PCDH15: variants seen among roughly 807,000 people sequenced by gnomAD.
PCDH15 encodes the protein protocadherin-15.
In PCDH15, 129 loss-of-function variants were observed where a neutral mutation model predicts 178.5. The observed-to-expected ratio is 0.72, with a 90% confidence interval of 0.63 to 0.84. The LOEUF (loss-of-function observed/expected upper bound fraction) is 0.84. Among genes scored for constraint, PCDH15 ranks in the 40% least tolerant of loss-of-function variants. The probability of loss-of-function intolerance (pLI) is 0.00; values close to 1 mark genes in which losing one functional copy is unlikely to be tolerated. For missense variants in PCDH15, 2,230 were observed against 2,099.9 expected, an observed-to-expected ratio of 1.06 and a Z score of -1.21; for synonymous variants, 800 against 732.0, an observed-to-expected ratio of 1.09 and a Z score of -1.50.
intron 2 of PCDH15, among the ~76,000 whole-genome samples, chr10:55,425,002 A>G (rs1018278375): frequency 2.0e-5 from 3 of 152,052 alleles, no homozygotes; most frequent in African/African-American, 7.2e-5. Flanking sequence ...TTTAAGAAAC[A>G]GATCAAATTA....
intron 2 of PCDH15, among the ~76,000 whole-genome samples, chr10:55,597,811 T>A (rs1842965328): frequency 6.6e-6 from 1 of 152,120 alleles, no homozygotes; most frequent in African/African-American, 2.4e-5. Context: ...CAAATGTTTT[T>A]CATCCAGTTA....
intron 1 of PCDH15, among the ~76,000 whole-genome samples, chr10:54,714,319 G>A (rs925057562): frequency 5.9e-5 from 9 of 152,076 alleles, no homozygotes; most frequent in African/African-American, 2.2e-4. Flanking sequence ...GTGTAGAGAT[G>A]AGAAGAGAGA....
At chr10:53,884,311 G>A (rs768734130) in intron 26 of PCDH15, among the ~76,000 whole-genome samples, 3 of 152,144 alleles carry the variant, frequency 2.0e-5, no homozygotes, top group Non-Finnish European at 2.9e-5. Flanking sequence ...GCCCTGCTCT[G>A]TTTTACACCC....
chr10:55,394,432 G>T (rs1039227092), intron 2 of PCDH15, among the ~76,000 whole-genome samples: 1 of 151,678 alleles, frequency 6.6e-6, no homozygotes, highest in African/African-American at 2.4e-5. Flanking sequence ...AGGCTTTAAA[G>T]CAATAAGAAC....
chr10:54,311,274 T>A (rs1564932625), intron 8 of PCDH15, among the ~76,000 whole-genome samples: 1 of 151,952 alleles, frequency 6.6e-6, no homozygotes, highest in African/African-American at 2.4e-5. Flanking sequence ...GCATAGAAAA[T>A]ACGTTAATAT....
chr10:54,925,242 G>A (rs1465971511), intron 2 of PCDH15, among the ~76,000 whole-genome samples: 1 of 152,058 alleles, frequency 6.6e-6, no homozygotes, highest in Admixed American at 6.6e-5. Context: ...TTGCTGAAGA[G>A]TAGATTGTAG....
intron 2 of PCDH15, among the ~76,000 whole-genome samples, chr10:55,124,809 A>G (rs1231045470): frequency 2.6e-5 from 4 of 152,120 alleles, no homozygotes; most frequent in Admixed American, 2.6e-4. Context: ...ACCCTTGGAT[A>G]GAAAATATTT....
At chr10:55,159,369 C>CTATATA (rs1174815209) in intron 2 of PCDH15, among the ~76,000 whole-genome samples, 3 of 20,886 alleles carry the variant, frequency 1.4e-4, no homozygotes, top group African/African-American at 2.6e-4. Context: ...ATCTATCTAT[C>CTATATA]TATATATATA....
intron 1 of PCDH15, among the ~76,000 whole-genome samples, chr10:55,217,200 A>C (rs1227418928): frequency 6.6e-6 from 1 of 151,938 alleles, no homozygotes; most frequent in Non-Finnish European, 1.5e-5. Flanking sequence ...GTTTTTGGTC[A>C]ACTCGAAAGA....
intron 3 of PCDH15, among the ~76,000 whole-genome samples, chr10:54,479,692 C>A (rs530572717): frequency 1.5e-4 from 23 of 152,014 alleles, no homozygotes; most frequent in Non-Finnish European, 2.4e-4. Flanking sequence ...TATAACTTTG[C>A]AGTTCCTTCT....
chr10:55,069,377 T>C (rs1251395268), intron 2 of PCDH15, among the ~76,000 whole-genome samples: 1 of 148,386 alleles, frequency 6.7e-6, no homozygotes, highest in African/African-American at 2.5e-5. Context: ...GCTGCACCCA[T>C]TAACTCGTCA....
At chr10:54,450,655 C>T (rs1300968689) in intron 3 of PCDH15, among the ~76,000 whole-genome samples, 1 of 151,474 alleles carries the variant, frequency 6.6e-6, no homozygotes, top group African/African-American at 2.4e-5. Flanking sequence ...CAGAGAATAA[C>T]TTTACTCAGT....
chr10:54,792,435 C>T (rs764311478), intron 1 of PCDH15, among the ~76,000 whole-genome samples: 4 of 151,874 alleles, frequency 2.6e-5, no homozygotes, highest in South Asian at 2.1e-4. Context: ...ATAAGATACC[C>T]GAATACTTGG....
intron 2 of PCDH15, among the ~76,000 whole-genome samples, chr10:55,529,594 C>T (rs533748257): frequency 6.6e-6 from 1 of 151,164 alleles, no homozygotes; most frequent in Admixed American, 6.6e-5. Context: ...GCTTTTTTAT[C>T]ACTTTACTTT....
chr10:54,437,072 C>T (rs1386340348), intron 3 of PCDH15, among the ~76,000 whole-genome samples: 2 of 152,102 alleles, frequency 1.3e-5, no homozygotes, highest in South Asian at 2.1e-4. Context: ...CTAATTAGCA[C>T]GGACTCTAAA....
At chr10:54,990,748 C>T (rs1409170615) in intron 2 of PCDH15, among the ~76,000 whole-genome samples, 1 of 152,076 alleles carries the variant, frequency 6.6e-6, no homozygotes. Context: ...ATATTCAAAT[C>T]TCTCTTTATC....
chr10:55,307,234 A>C (rs2946181), intron 1 of PCDH15, among the ~76,000 whole-genome samples: 1 of 151,956 alleles, frequency 6.6e-6, no homozygotes, highest in African/African-American at 2.4e-5. Flanking sequence ...CTGGCGTGGT[A>C]GCTCACGTCT....
chr10:55,206,016 C>G (rs560676102), intron 1 of PCDH15, among the ~76,000 whole-genome samples: 1 of 152,010 alleles, frequency 6.6e-6, no homozygotes, highest in African/African-American at 2.4e-5. Flanking sequence ...GAAAGACCCA[C>G]CCCCAAGATT....
Position 55,440,856 on chromosome 10 carries a change from C to G in PCDH15, c.-156+186769G>C, listed in dbSNP as rs373355762. 6.3e-4 allele frequency among the ~76,000 whole-genome samples: 96 copies of G among 152,258 alleles called. 1 individual carries two copies. The South Asian group carries it at 0.019, about 30-fold the overall frequency. On this transcript the variant is annotated intron_variant, in intron 2 of 5. Transcript: ENST00000613346. ...CCATGGCGGAAGACAAAAGGCACAT[C>G]TCACAAGGTTCCAGACAAGAGAGAA...
Sources: allele counts gnomAD v4.1 joint callset (sites outside exome capture counted in the v4.1 genomes callset), GRCh38; gene constraint gnomAD v4.1.1; transcripts MANE v1.5; gene names NCBI Gene and HGNC (gene_info 2026-07-23, HGNC 2026-07-21).